Variants in ZFAND6 observed in about 807,000 individuals in gnomAD.
ZFAND6 encodes the protein AN1-type zinc finger protein 6.
A neutral mutation model predicts 24.5 loss-of-function variants in ZFAND6; 12 were observed. The observed-to-expected ratio is 0.49, with a 90% confidence interval of 0.31 to 0.79. The LOEUF (loss-of-function observed/expected upper bound fraction) is 0.79, where lower values mean the gene tolerates loss of function less well. Ranked by LOEUF, ZFAND6 falls within the 30% of genes least tolerant of loss-of-function variation. ZFAND6 has a pLI of 0.04. For synonymous variants in ZFAND6, 92 were observed against 81.5 expected, an observed-to-expected ratio of 1.13 and a Z score of -0.69; for missense variants, 207 against 245.9, an observed-to-expected ratio of 0.84 and a Z score of 1.06.
At chr15:80,085,961 A>T (rs1384432491) in intron 1 of ZFAND6, among the ~76,000 whole-genome samples, 2 of 152,218 alleles carry the variant, frequency 1.3e-5, no homozygotes, top group African/African-American at 4.8e-5. Context: ...AAGGTAGTTT[A>T]TCTGCACCCA....
In ZFAND6 at chr15:80,124,376, T is replaced by TGAGCCGA. The variant is rs552803564; in HGVS notation, c.364+1579_364+1585dup. ...TGAACCTGGGAGGCGGAGCTTGCGG[T>TGAGCCGA]GAGCCGAGATGGCGCCACTGCACTC... On this transcript the variant is annotated intron_variant, in intron 5 of 6. Coordinates refer to ENST00000261749, the MANE Select transcript of ZFAND6 (RefSeq NM_019006.4). 9.1e-3 allele frequency among the ~76,000 whole-genome samples: 1,376 copies of TGAGCCGA among 151,480 alleles called. 25 individuals carry two copies. The highest frequency in any genetic ancestry group is 0.032 in the African/African-American group (1,307 of 41,208).
chr15:80,116,089 G>GTT (rs149794251), intron 2 of ZFAND6, among the ~76,000 whole-genome samples: 1 of 143,958 alleles, frequency 6.9e-6, no homozygotes, highest in African/African-American at 2.5e-5. Context: ...GCCTTTTTAG[G>GTT]TTTTTTTTTT....
intron 4 of ZFAND6, among the ~76,000 whole-genome samples, chr15:80,122,387 T>C (rs898960274): frequency 2.0e-5 from 3 of 152,162 alleles, no homozygotes; most frequent in African/African-American, 4.8e-5. Flanking sequence ...TGCCAGAATA[T>C]CATTTACAGC....
chr15:80,137,382 T>C, intron 6 of ZFAND6, 98 bp from the exon 7 acceptor site: 4 of 1,335,952 alleles, frequency 3.0e-6, no homozygotes, highest in South Asian at 3.0e-5. Context: ...TTAGTTTACA[T>C]TGCTGCCCTA....
rs2040203640 is a variant in ZFAND6 at position 80,122,772 on chromosome 15, A to C, written c.336A>C (p.Lys112Asn). 1 of 1,613,340 alleles carries C rather than the reference A, an allele frequency of 6.2e-7. No homozygotes were observed. The highest frequency in any genetic ancestry group is 8.5e-7 in the Non-Finnish European group (1 of 1,179,598). ...AATTGGACAGTACATCTGTGGACAA[A>C]GCAGTACCTGAAACAGAAGATGTGC... ...SSQLDSTSVD[K>N]AVPETEDVQA... The change falls in exon 5 of 7, where the codon AAA becomes AAC. Residue 112 changes from lysine (K) to asparagine (N), a missense_variant. By Grantham distance (94) the Lys-to-Asn change is moderately conservative. This residue lies in a region of ZFAND6 where 133 missense variants were observed against 122.8 expected (regional missense o/e 1.08). Transcript: ENST00000261749.
chr15:80,112,581 A>G (rs1357862429), intron 2 of ZFAND6, among the ~76,000 whole-genome samples: 1 of 152,058 alleles, frequency 6.6e-6, no homozygotes, highest in Admixed American at 6.5e-5. Flanking sequence ...TATTTTTAGT[A>G]GAGATAAGGT....
At chr15:80,086,099 C>T (rs1158097748) in intron 1 of ZFAND6, among the ~76,000 whole-genome samples, 1 of 152,132 alleles carries the variant, frequency 6.6e-6, no homozygotes, top group Non-Finnish European at 1.5e-5. Flanking sequence ...AGTGCAATGG[C>T]GCGATCTCAG....
intron 2 of ZFAND6, among the ~76,000 whole-genome samples, chr15:80,111,784 C>G (rs575363820): frequency 9.5e-4 from 145 of 152,130 alleles, no homozygotes; most frequent in African/African-American, 3.3e-3. Flanking sequence ...AGTGAAGATT[C>G]CCAAATTGAA....
intron 1 of ZFAND6, among the ~76,000 whole-genome samples, 191 bp downstream of exon 1, chr15:80,060,000 G>C (rs1426636207): frequency 2.0e-5 from 3 of 151,424 alleles, no homozygotes; most frequent in African/African-American, 7.2e-5. Flanking sequence ...GAGAGGGCGA[G>C]GACTCCCGGC....
chr15:80,136,782 C>A (rs964543495), intron 6 of ZFAND6, among the ~76,000 whole-genome samples: 5 of 152,224 alleles, frequency 3.3e-5, no homozygotes, highest in Non-Finnish European at 7.3e-5. Context: ...CCCATTACAT[C>A]TCGATTTTGG....
chr15:80,068,402 C>T (rs569153677), intron 1 of ZFAND6, among the ~76,000 whole-genome samples: 4 of 144,198 alleles, frequency 2.8e-5, no homozygotes, highest in East Asian at 4.3e-4. Flanking sequence ...GATGGAGTCT[C>T]GCTCTGTTGC....
At chr15:80,077,787 C>G (rs1337691524) in intron 1 of ZFAND6, among the ~76,000 whole-genome samples, 1 of 150,440 alleles carries the variant, frequency 6.6e-6, no homozygotes, top group East Asian at 1.9e-4. Flanking sequence ...GCAACCTCCA[C>G]CTCCCTGGTT....
intron 5 of ZFAND6, 104 bp from the exon 6 acceptor site, chr15:80,131,076 T>C: frequency 1.2e-6 from 1 of 831,926 alleles, no homozygotes; most frequent in Non-Finnish European, 1.8e-6. Context: ...TCTGTGCTAA[T>C]AAATTCCTCA....
chr15:80,059,968 T>C (rs1374103043), intron 1 of ZFAND6, among the ~76,000 whole-genome samples, 159 bp downstream of exon 1: 1 of 150,256 alleles, frequency 6.7e-6, no homozygotes, highest in Non-Finnish European at 1.5e-5. Flanking sequence ...CAGCAGGTGG[T>C]GGGCCCGCGG....
At chr15:80,099,828 T>G (rs2038940168) in intron 2 of ZFAND6, among the ~76,000 whole-genome samples, 1 of 152,042 alleles carries the variant, frequency 6.6e-6, no homozygotes, top group South Asian at 2.1e-4. Context: ...TGTTGGCCAG[T>G]CTGGTCTCAA....
chr15:80,080,239 C>T (rs2037577531), intron 1 of ZFAND6, among the ~76,000 whole-genome samples: 1 of 152,104 alleles, frequency 6.6e-6, no homozygotes, highest in African/African-American at 2.4e-5. Flanking sequence ...TCGGGTGATC[C>T]ACCCACTTCG....
intron 3 of ZFAND6, 60 bp from the exon 4 acceptor site, chr15:80,121,652 A>G (rs12915043): frequency 7.1e-7 from 1 of 1,404,162 alleles, no homozygotes; most frequent in African/African-American, 1.4e-5. Flanking sequence ...ATTTTTTTAG[A>G]TAAGGTCTTA....
At chr15:80,130,171 G>T (rs2040535610) in intron 5 of ZFAND6, 1 of 152,172 alleles carries the variant, frequency 6.6e-6, no homozygotes, top group Admixed American at 6.6e-5. Context: ...AACTCATGAG[G>T]TGCCCAGTAT....
chr15:80,128,782 A>T (rs1423938320), intron 5 of ZFAND6, among the ~76,000 whole-genome samples: 1 of 152,212 alleles, frequency 6.6e-6, no homozygotes, highest in Non-Finnish European at 1.5e-5. Context: ...CATTTGCCTC[A>T]GTTAAAAAGA....
Sources: allele counts gnomAD v4.1 joint callset (sites outside exome capture counted in the v4.1 genomes callset), GRCh38; gene constraint gnomAD v4.1.1; regional missense constraint gnomAD v4.1.1; transcripts MANE v1.5; gene names NCBI Gene and HGNC (gene_info 2026-07-23, HGNC 2026-07-21).